The following TXNRD1 variants were observed in gnomAD, a reference collection of about 807,000 sequenced individuals.
TXNRD1 encodes the protein thioredoxin reductase 1, cytoplasmic.
TXNRD1 carries 57 observed loss-of-function variants against 80.3 expected under a neutral mutation model. That is an observed-to-expected ratio of 0.71 (90% CI 0.57 to 0.89). The LOEUF (loss-of-function observed/expected upper bound fraction) is 0.89. TXNRD1 is among the 40% of genes least tolerant of loss of function. The pLI is 0.00. For missense variants in TXNRD1, 730 were observed against 803.0 expected (o/e 0.91, Z 1.10); for synonymous variants, 291 against 285.2 (o/e 1.02, Z -0.20).
intron 4 of TXNRD1, among the ~76,000 whole-genome samples, chr12:104,294,323 TGGTGAC>T (rs1439681675): frequency 6.6e-6 from 1 of 150,674 alleles, no homozygotes; most frequent in African/African-American, 2.4e-5. Flanking sequence ...ACGATCCTCT[TGGTGAC>T]GGGCGTCTTC....
chr12:104,248,140 G>A (rs878969059), intron 1 of TXNRD1, among the ~76,000 whole-genome samples: 47 of 152,180 alleles, frequency 3.1e-4, no homozygotes, highest in Non-Finnish European at 3.7e-4. Flanking sequence ...TGAGGCTATC[G>A]TCATGTGTCA....
chr12:104,249,430 T>C (rs887291891), intron 1 of TXNRD1, among the ~76,000 whole-genome samples: 1 of 152,326 alleles, frequency 6.6e-6, no homozygotes, highest in Non-Finnish European at 1.5e-5. Context: ...GATTTCTATG[T>C]TCCTCTTCAC....
Position 104,223,159 on chromosome 12 carries a change from T to C in TXNRD1, c.91+7266T>C, listed in dbSNP as rs188510115. ...ATTGCTCACTTATATAGTGGCATTT[T>C]AAGCTGCTTAATCCCCTCAAATGTG... On this transcript the variant is annotated intron_variant, in intron 1 of 16. Transcript: ENST00000525566. 1.5e-3 allele frequency among the ~76,000 whole-genome samples: 232 copies of C among 152,344 alleles called. 1 individual carries two copies. Among genetic ancestry groups the C allele is most frequent in the African/African-American group, 5.1e-3 (214 of 41,592 alleles).
intron 3 of TXNRD1, among the ~76,000 whole-genome samples, chr12:104,277,205 T>G (rs1024923868): frequency 6.8e-6 from 1 of 146,994 alleles, no homozygotes; most frequent in Non-Finnish European, 1.5e-5. Flanking sequence ...TCCTGGCTAA[T>G]GCGGTGAAAC....
chr12:104,248,741 T>A (rs2033047478), intron 1 of TXNRD1, among the ~76,000 whole-genome samples: 1 of 152,216 alleles, frequency 6.6e-6, no homozygotes, highest in Non-Finnish European at 1.5e-5. Context: ...AGGTATAGAT[T>A]GGTCTGGTAT....
intron 4 of TXNRD1, chr12:104,304,420 G>C: frequency 6.2e-7 from 1 of 1,613,958 alleles, no homozygotes; most frequent in Non-Finnish European, 8.5e-7. Flanking sequence ...CATCCTGGAT[G>C]GTAAAAGCTG....
chr12:104,304,540 T>C (rs1011795155), intron 4 of TXNRD1: 1 of 1,613,906 alleles, frequency 6.2e-7, no homozygotes, highest in African/African-American at 1.3e-5. Context: ...GCAACATGCC[T>C]ACAAAGTTGC....
At chr12:104,333,712 C>CCTTTCCTTCCCTATCTCCTTCCTT (rs910892223) in intron 14 of TXNRD1, among the ~76,000 whole-genome samples, 38 of 152,142 alleles carry the variant, frequency 2.5e-4, no homozygotes, top group Admixed American at 2.4e-3. Flanking sequence ...CTTCCTTCCT[C>CCTTTCCTTCCCTATCTCCTTCCTT]CTTTCCTTCC....
intron 4 of TXNRD1, among the ~76,000 whole-genome samples, chr12:104,294,408 C>T (rs191805981): frequency 2.6e-5 from 4 of 152,096 alleles, no homozygotes; most frequent in East Asian, 1.9e-4. Flanking sequence ...ACAGAAGGCT[C>T]GCACTCTTGT....
chr12:104,251,333 A>G (rs1181596438), intron 1 of TXNRD1, among the ~76,000 whole-genome samples, 194 bp from the exon 2 acceptor site: 2 of 152,226 alleles, frequency 1.3e-5, no homozygotes, highest in East Asian at 3.8e-4. Flanking sequence ...GGAATATTGA[A>G]TAATATGTCA....
chr12:104,307,779 T>C (rs938402036), intron 4 of TXNRD1, among the ~76,000 whole-genome samples: 1 of 152,130 alleles, frequency 6.6e-6, no homozygotes, highest in Non-Finnish European at 1.5e-5. Flanking sequence ...CCTGGAGCAG[T>C]GTTTTACTAG....
At chr12:104,314,489 A>G (rs929893314) in intron 6 of TXNRD1, among the ~76,000 whole-genome samples, 2 of 152,116 alleles carry the variant, frequency 1.3e-5, no homozygotes, top group African/African-American at 4.8e-5. Context: ...CAGAGTGACA[A>G]CTGGTAGTAT....
At chr12:104,233,902 A>G (rs1435985198) in intron 1 of TXNRD1, among the ~76,000 whole-genome samples, 1 of 152,206 alleles carries the variant, frequency 6.6e-6, no homozygotes, top group Non-Finnish European at 1.5e-5. Flanking sequence ...GATCAGCAAT[A>G]TTTCAAGCAA....
chr12:104,288,773 G>A (rs1231507551), intron 3 of TXNRD1, 158 bp from the exon 4 acceptor site: 2 of 1,531,014 alleles, frequency 1.3e-6, no homozygotes, highest in Non-Finnish European at 1.8e-6. Flanking sequence ...TCTAGCCTTT[G>A]TCAGAAATGC....
intron 13 of TXNRD1, among the ~76,000 whole-genome samples, chr12:104,331,068 CTTA>C (rs1423455255): frequency 1.3e-5 from 2 of 151,690 alleles, no homozygotes; most frequent in African/African-American, 4.8e-5. Context: ...TATCTATAAT[CTTA>C]TTATAGATTT....
chr12:104,288,840 CCGGGA>C (rs1212556394), intron 3 of TXNRD1, 86 bp from the exon 4 acceptor site: 1 of 1,610,190 alleles, frequency 6.2e-7, no homozygotes, highest in Admixed American at 1.7e-5. Context: ...GCCTGCGGGG[CCGGGA>C]CGGAAGCCCC....
At chr12:104,327,013 G>T (rs992389813) in intron 12 of TXNRD1, among the ~76,000 whole-genome samples, 34 of 151,574 alleles carry the variant, frequency 2.2e-4, no homozygotes, top group Non-Finnish European at 4.1e-4. Context: ...TGCTGGCCAG[G>T]CTGGTCTCCA....
intron 3 of TXNRD1, among the ~76,000 whole-genome samples, chr12:104,267,702 TCTCTTTCTTTCTTTCTTTC>T (rs1565870304): frequency 0.2 from 12,092 of 60,730 alleles, 806 homozygotes; most frequent in East Asian, 0.3. Flanking sequence ...TCTTTCTTTC[TCTCTTTCTTTCTTTCTTTC>T]TCTTTCTTTC....
intron 10 of TXNRD1, 21 bp from the exon 11 acceptor site, chr12:104,325,316 A>G (rs1400342981): frequency 1.3e-6 from 2 of 1,586,556 alleles, no homozygotes; most frequent in Non-Finnish European, 1.7e-6. Context: ...ATTTCACAGT[A>G]AAACTTTATC....
Sources: gnomAD v4.1 joint callset for allele counts (sites outside exome capture counted in the v4.1 genomes callset) on GRCh38, gnomAD v4.1.1 for gene constraint, MANE v1.5 for transcripts, NCBI Gene and HGNC (gene_info 2026-07-23, HGNC 2026-07-21) for gene names.